DLC1: variants seen among roughly 807,000 people sequenced by gnomAD.
DLC1 encodes the protein DLC1 Rho GTPase activating protein.
DLC1 carries 54 observed loss-of-function variants against 140.3 expected under a neutral mutation model. The observed-to-expected ratio is 0.38, with a 90% CI of 0.31 to 0.48. The LOEUF is 0.48. Among genes scored for constraint, DLC1 ranks in the 20% least tolerant of loss-of-function variants. The probability of loss-of-function intolerance (pLI) is 0.96; values close to 1 mark genes in which losing one functional copy is unlikely to be tolerated. For missense variants in DLC1, 2,536 were observed against 1,907.0 expected, an observed-to-expected ratio of 1.33 and a Z score of -6.14; for synonymous variants, 986 against 728.1, an observed-to-expected ratio of 1.35 and a Z score of -5.70.
intron 5 of DLC1, among the ~76,000 whole-genome samples, chr8:13,241,691 T>A (rs1332989419): frequency 1.3e-5 from 2 of 152,102 alleles, no homozygotes; most frequent in Admixed American, 1.3e-4. Flanking sequence ...AGGATGCCGG[T>A]TGAGAATGTT....
rs183115856 is a variant in DLC1, at chr8:13,327,043, C to T, written c.1315-21741G>A. ...GATCTTGGCTCACTGCAAGCTCCGC[C>T]TCCCAGGTTCATGCCACTCTCCCGC... is the stretch of plus-strand genomic sequence containing the variant. On this transcript the variant is annotated intron_variant, in intron 4 of 17. Transcript: ENST00000276297. Among the ~76,000 whole-genome samples the T allele has an allele frequency of 9.8e-3, 1,493 of 152,044 alleles. 22 individuals are homozygous for T. The highest frequency in any genetic ancestry group is 0.034 in the African/African-American group (1,402 of 41,466).
At chr8:13,176,557 C>T (rs1043913835) in intron 5 of DLC1, among the ~76,000 whole-genome samples, 10 of 152,100 alleles carry the variant, frequency 6.6e-5, no homozygotes, top group African/African-American at 1.7e-4. Context: ...CCAGCCTGGG[C>T]GACAGAGAGA....
At chr8:13,294,593 C>T (rs1831877273) in intron 5 of DLC1, among the ~76,000 whole-genome samples, 1 of 152,054 alleles carries the variant, frequency 6.6e-6, no homozygotes, top group Non-Finnish European at 1.5e-5. Context: ...GAAGCAACTT[C>T]AGGAGAAAAG....
At chr8:13,276,970 G>A (rs546453395) in intron 5 of DLC1, 1 of 152,344 alleles carries the variant, frequency 6.6e-6, no homozygotes, top group Admixed American at 6.5e-5. Context: ...GTGGTTGTGG[G>A]AAGGAAGATA....
intron 4 of DLC1, among the ~76,000 whole-genome samples, chr8:13,344,457 C>T (rs896551244): frequency 6.6e-6 from 1 of 152,200 alleles, no homozygotes; most frequent in Admixed American, 6.5e-5. Context: ...CACGCCGTTG[C>T]ACTCTAGCCT....
At chr8:13,270,307 C>T (rs1048776023) in intron 5 of DLC1, among the ~76,000 whole-genome samples, 2 of 152,154 alleles carry the variant, frequency 1.3e-5, no homozygotes, top group Non-Finnish European at 2.9e-5. Context: ...ACTGTGCATG[C>T]ACACTACTTT....
At chr8:13,503,789 T>C (rs1801926950) in intron 1 of DLC1, among the ~76,000 whole-genome samples, 2 of 152,338 alleles carry the variant, frequency 1.3e-5, no homozygotes, top group Middle Eastern at 3.4e-3. Context: ...CCTTTGCTAC[T>C]GAAGCTTACC....
chr8:13,360,024 T>C (rs951809486), intron 4 of DLC1, among the ~76,000 whole-genome samples: 9 of 152,200 alleles, frequency 5.9e-5, no homozygotes, highest in African/African-American at 1.9e-4. Context: ...TTCCGCATTA[T>C]AGTATTTATA....
intron 4 of DLC1, among the ~76,000 whole-genome samples, chr8:13,360,600 G>T (rs902147678): frequency 6.6e-6 from 1 of 152,154 alleles, no homozygotes; most frequent in Non-Finnish European, 1.5e-5. Flanking sequence ...ATCCTAATAT[G>T]CTGGAGGTTG....
intron 1 of DLC1, among the ~76,000 whole-genome samples, chr8:13,595,134 T>G (rs1585314648): frequency 6.6e-6 from 1 of 152,220 alleles, no homozygotes; most frequent in South Asian, 2.1e-4. Context: ...ATTATTGTTT[T>G]ACTACAGTCA....
At chr8:13,390,467 T>A (rs1274867654) in intron 4 of DLC1, among the ~76,000 whole-genome samples, 1 of 152,214 alleles carries the variant, frequency 6.6e-6, no homozygotes, top group Non-Finnish European at 1.5e-5. Flanking sequence ...ACTAGAATGA[T>A]TTATACTCCT....
At position 13,504,731 on chromosome 8, in the gene DLC1, G is replaced by T. The variant is rs372802575; in HGVS notation, c.-125-4535C>A. Among the ~76,000 whole-genome samples the T allele has an allele frequency of 1.8e-3, 276 of 152,252 alleles. 1 individual carries two copies. The highest frequency in any genetic ancestry group is 6.4e-3 in the African/African-American group (264 of 41,548). ...CAGGCAAATACGACTTCAAAATTTG[G>T]ATGGGAAATTATGTCTGCCTTAAAA... On this transcript the variant is annotated intron_variant, in intron 1 of 17. Coordinates refer to ENST00000276297, the MANE Select transcript of DLC1 (RefSeq NM_182643.3).
chr8:13,544,434 T>C (rs981332477), intron 1 of DLC1, among the ~76,000 whole-genome samples: 2 of 152,214 alleles, frequency 1.3e-5, no homozygotes, highest in African/African-American at 4.8e-5. Context: ...GGTTAATCTG[T>C]ACATAGAAGA....
chr8:13,309,087 G>A (rs1348134334), intron 4 of DLC1, among the ~76,000 whole-genome samples: 1 of 152,044 alleles, frequency 6.6e-6, no homozygotes, highest in Non-Finnish European at 1.5e-5. Context: ...CCAATAAAAG[G>A]CATATTTTTG....
chr8:13,199,984 C>G (rs1479500704), intron 5 of DLC1, among the ~76,000 whole-genome samples: 1 of 152,124 alleles, frequency 6.6e-6, no homozygotes, highest in East Asian at 1.9e-4. Context: ...AGGCAATGTT[C>G]TGAAAGAGTT....
At chr8:13,389,440 G>A (rs1433223217) in intron 4 of DLC1, among the ~76,000 whole-genome samples, 2 of 152,092 alleles carry the variant, frequency 1.3e-5, no homozygotes, top group Non-Finnish European at 2.9e-5. Flanking sequence ...GAAAGGCATT[G>A]TGAGATTGTG....
At chr8:13,087,228 C>T (rs923220380) in intron 16 of DLC1, among the ~76,000 whole-genome samples, 8 of 152,158 alleles carry the variant, frequency 5.3e-5, no homozygotes, top group Admixed American at 4.6e-4. Flanking sequence ...ATGGTGACAC[C>T]ATGTCTCTAC....
intron 5 of DLC1, among the ~76,000 whole-genome samples, chr8:13,135,895 T>G (rs1012871581): frequency 6.6e-6 from 1 of 152,242 alleles, no homozygotes; most frequent in Non-Finnish European, 1.5e-5. Flanking sequence ...GATTATGTTA[T>G]GTAGTTTGCT....
At chr8:13,486,895 G>A (rs1800994507) in intron 2 of DLC1, among the ~76,000 whole-genome samples, 1 of 152,120 alleles carries the variant, frequency 6.6e-6, no homozygotes, top group Admixed American at 6.5e-5. Flanking sequence ...AAATACATAG[G>A]GTGAGAAATA....
Sources: gnomAD v4.1 joint callset for allele counts (sites outside exome capture counted in the v4.1 genomes callset) on GRCh38, gnomAD v4.1.1 for gene constraint, MANE v1.5 for transcripts, NCBI Gene and HGNC (gene_info 2026-07-23, HGNC 2026-07-21) for gene names.